CSRNP3: variants seen among roughly 807,000 people sequenced by gnomAD.
CSRNP3 encodes the protein cysteine and serine rich nuclear protein 3.
In CSRNP3, 12 loss-of-function variants were observed where a neutral mutation model predicts 48.0. The ratio of observed to expected loss-of-function variants is 0.25; its 90% confidence interval spans 0.16 to 0.41. The LOEUF is 0.41. Ranked by LOEUF, CSRNP3 falls within the 10% of genes least tolerant of loss-of-function variation. The pLI is 1.00. For synonymous variants in CSRNP3, 263 were observed against 269.7 expected (o/e 0.98, Z 0.24); for missense variants, 580 against 724.4 (o/e 0.80, Z 2.29).
At chr2:165,594,106 T>C (rs1326225680) in intron 3 of CSRNP3, among the ~76,000 whole-genome samples, 2 of 152,134 alleles carry the variant, frequency 1.3e-5, no homozygotes, top group Non-Finnish European at 2.9e-5. Flanking sequence ...TACAAACATT[T>C]CAAAATCCAA....
chr2:165,579,489 C>A (rs1209962379), intron 3 of CSRNP3, among the ~76,000 whole-genome samples: 1 of 152,080 alleles, frequency 6.6e-6, no homozygotes, highest in Non-Finnish European at 1.5e-5. Context: ...TGACTTTATG[C>A]AATTAAGGCA....
At chr2:165,594,102 C>A in intron 3 of CSRNP3, among the ~76,000 whole-genome samples, 1 of 152,146 alleles carries the variant, frequency 6.6e-6, no homozygotes, top group East Asian at 1.9e-4. Context: ...TAGATACAAA[C>A]ATTTCAAAAT....
intron 3 of CSRNP3, among the ~76,000 whole-genome samples, chr2:165,538,628 C>G (rs1462009138): frequency 1.3e-5 from 2 of 151,834 alleles, no homozygotes; most frequent in African/African-American, 4.8e-5. Flanking sequence ...GGCATCTTCC[C>G]TAGTATCTTG....
intron 2 of CSRNP3, among the ~76,000 whole-genome samples, chr2:165,517,464 G>C (rs17249356): frequency 1.9e-4 from 29 of 151,782 alleles, no homozygotes; most frequent in African/African-American, 7.0e-4. Flanking sequence ...TTTATTGACT[G>C]TCAAAAGCTA....
intron 4 of CSRNP3, among the ~76,000 whole-genome samples, chr2:165,634,159 C>G (rs1325302655): frequency 6.6e-6 from 1 of 151,932 alleles, no homozygotes; most frequent in Non-Finnish European, 1.5e-5. Context: ...AGTCACATGG[C>G]AAAACCCCGT....
chr2:165,570,268 A>G (rs922368046), intron 3 of CSRNP3, among the ~76,000 whole-genome samples: 2 of 152,030 alleles, frequency 1.3e-5, no homozygotes, highest in East Asian at 3.8e-4. Context: ...CCACCTTTAA[A>G]TATCTTTTTC....
intron 3 of CSRNP3, among the ~76,000 whole-genome samples, chr2:165,591,291 T>A (rs1685713238): frequency 6.6e-6 from 1 of 152,110 alleles, no homozygotes; most frequent in Non-Finnish European, 1.5e-5. Context: ...ATTTAGGATA[T>A]CTGGCAGAAG....
rs1233303501 is a variant in CSRNP3 at position 165,688,617 on chromosome 2, G to A, written c.*8864G>A. Reference sequence around the variant, plus strand: ...CACTTTCCAACTGCCATAGAAATTTGGTACATTTGCAAATTCTGGTGGAAT... The same window carrying A: ...CACTTTCCAACTGCCATAGAAATTTAGTACATTTGCAAATTCTGGTGGAAT... On this transcript the variant is annotated 3_prime_UTR_variant, in exon 7 of 7. Transcript: ENST00000651982. 1 of 151,882 alleles carries A rather than the reference G, an allele frequency of 6.6e-6. No individual in the cohort carries two copies. Among genetic ancestry groups the A allele is most frequent in the Non-Finnish European group, 1.5e-5 (1 of 67,996 alleles). The allele number at this position is 151,882 out of a possible 1,614,324, so 9.4% of individuals were successfully genotyped here.
chr2:165,623,571 T>G (rs901050542), intron 4 of CSRNP3, among the ~76,000 whole-genome samples: 4 of 152,284 alleles, frequency 2.6e-5, no homozygotes, highest in Middle Eastern at 3.4e-3. Flanking sequence ...CTACACCATT[T>G]TATATCAGGA....
intron 3 of CSRNP3, chr2:165,574,447 A>G (rs1270738278): frequency 2.0e-6 from 3 of 1,520,932 alleles, no homozygotes; most frequent in African/African-American, 1.4e-5. Context: ...GTGACATTTC[A>G]TGATGCGCCT....
At chr2:165,585,631 C>G (rs1685615630) in intron 3 of CSRNP3, among the ~76,000 whole-genome samples, 1 of 152,176 alleles carries the variant, frequency 6.6e-6, no homozygotes, top group African/African-American at 2.4e-5. Flanking sequence ...AGAACTTTAT[C>G]ATAGTTTCTT....
At chr2:165,651,873 GT>G (rs550578430) in intron 4 of CSRNP3, among the ~76,000 whole-genome samples, 82 of 152,016 alleles carry the variant, frequency 5.4e-4, no homozygotes, top group African/African-American at 1.9e-3. Context: ...CCAGGCTGGT[GT>G]TGAACTCCCA....
intron 3 of CSRNP3, among the ~76,000 whole-genome samples, chr2:165,525,388 T>A (rs1374016622): frequency 6.6e-6 from 1 of 152,126 alleles, no homozygotes; most frequent in Non-Finnish European, 1.5e-5. Flanking sequence ...CTTGACCACA[T>A]CCTTTTAGAG....
At chr2:165,592,804 T>TTC (rs1232620087) in intron 3 of CSRNP3, among the ~76,000 whole-genome samples, 1 of 139,340 alleles carries the variant, frequency 7.2e-6, no homozygotes, top group Non-Finnish European at 1.5e-5. Flanking sequence ...CTCTTTTCAT[T>TTC]TTTTTTTTTT....
intron 4 of CSRNP3, among the ~76,000 whole-genome samples, chr2:165,605,782 T>C (rs1686000367): frequency 6.6e-6 from 1 of 152,170 alleles, no homozygotes; most frequent in South Asian, 2.1e-4. Context: ...ATATATTATA[T>C]GGCCAAGTAC....
chr2:165,640,010 A>G (rs1171056441), intron 4 of CSRNP3, among the ~76,000 whole-genome samples: 1 of 152,218 alleles, frequency 6.6e-6, no homozygotes, highest in African/African-American at 2.4e-5. Flanking sequence ...CATTTAAAGT[A>G]CAGAACAGAG....
rs971271292 is a variant in CSRNP3 at position 165,681,358 on chromosome 2, TC to T, written c.*1606del. 6.6e-6 allele frequency: 1 copy of T among 152,132 alleles called. No individual in the cohort carries two copies. Among genetic ancestry groups the T allele is most frequent in the African/African-American group, 2.4e-5 (1 of 41,428 alleles). 9.4% of individuals were successfully genotyped at this position (152,132 alleles called of 1,614,324 possible). On this transcript the variant is annotated 3_prime_UTR_variant, in exon 7 of 7. Coordinates refer to ENST00000651982, the MANE Select transcript of CSRNP3 (RefSeq NM_001172173.2). Reference sequence around the variant, plus strand: ...ACTGCATCGCTACTTATTTTTTATGTCTTTTAGACTTGGGTGTTTAGAATTA... The same window carrying T: ...ACTGCATCGCTACTTATTTTTTATGTTTTTAGACTTGGGTGTTTAGAATTA...
chr2:165,495,537 A>G, intron 2 of CSRNP3, among the ~76,000 whole-genome samples: 1 of 152,008 alleles, frequency 6.6e-6, no homozygotes, highest in East Asian at 1.9e-4. Context: ...TTAAAAGTCT[A>G]CTCATTTTCA....
chr2:165,513,955 T>C (rs1467033645), intron 2 of CSRNP3, among the ~76,000 whole-genome samples: 2 of 152,172 alleles, frequency 1.3e-5, no homozygotes, highest in Non-Finnish European at 2.9e-5. Flanking sequence ...CCCCAAATAT[T>C]AGAAAGGAGC....
Sources: allele counts gnomAD v4.1 joint callset (sites outside exome capture counted in the v4.1 genomes callset), GRCh38; gene constraint gnomAD v4.1.1; transcripts MANE v1.5; gene names NCBI Gene and HGNC (gene_info 2026-07-23, HGNC 2026-07-21).